Variants in SASH1 observed in about 807,000 individuals in gnomAD.
The protein encoded by SASH1 is SAM and SH3 domain containing 1.
Under a neutral mutation model 125.2 loss-of-function variants are expected in SASH1, and 44 were observed. The ratio of observed to expected loss-of-function variants is 0.35; its 90% CI spans 0.28 to 0.45. SASH1 has a LOEUF of 0.45. Ranked by LOEUF, SASH1 falls within the 20% of genes least tolerant of loss-of-function variation. The pLI, the probability that SASH1 is intolerant of heterozygous loss-of-function variation, is 1.00. For missense variants in SASH1, 1,426 were observed against 1,614.5 expected (o/e 0.88, Z 2.00); for synonymous variants, 639 against 649.1 (o/e 0.98, Z 0.24).
chr6:148,302,341 A>AAAAAAAAAT lies in SASH1; in HGVS notation n.74+29964_74+29965insAAAAAAAAT, dbSNP rs34513109. On this transcript the variant is annotated intron_variant and non_coding_transcript_variant, in intron 1 of 3. Coordinates refer to the SASH1 transcript ENST00000367469. The stretch of plus-strand genomic sequence containing the variant: ...AAAAAAAAAAAAAAAAAAAAAAAAA[A>AAAAAAAAAT]CTAGTAATATTATGACCTTGGTTAA... Among the ~76,000 whole-genome samples the AAAAAAAAAT allele has an allele frequency of 3.0e-4, 31 of 104,442 alleles. 10 individuals carry two copies. The East Asian group carries it at 4.7e-3, about 16-fold the overall frequency. The allele number at this position is 104,442 out of a possible 152,430, so 68.5% of individuals were successfully genotyped here. A position where few individuals can be genotyped will look rare whatever the true frequency, so the allele number is the denominator to read the frequency against.
chr6:148,517,716 C>G (rs772592023), intron 9 of SASH1, among the ~76,000 whole-genome samples: 1 of 152,222 alleles, frequency 6.6e-6, no homozygotes, highest in Non-Finnish European at 1.5e-5. Flanking sequence ...GAGCTACATT[C>G]GTCATGGACA....
intron 1 of SASH1, among the ~76,000 whole-genome samples, chr6:148,331,505 A>AT (rs1238241540): frequency 1.1e-4 from 16 of 151,600 alleles, no homozygotes; most frequent in African/African-American, 3.6e-4. Flanking sequence ...AAGTTTTTGT[A>AT]TTTTCAGTAG....
At chr6:148,405,627 A>G (rs1189678580) in intron 2 of SASH1, among the ~76,000 whole-genome samples, 1 of 152,030 alleles carries the variant, frequency 6.6e-6, no homozygotes, top group East Asian at 1.9e-4. Context: ...CCATCCACCT[A>G]GAGCCCATCC....
chr6:148,410,866 G>A (rs911825748), intron 2 of SASH1, among the ~76,000 whole-genome samples: 2 of 152,136 alleles, frequency 1.3e-5, no homozygotes, highest in Non-Finnish European at 2.9e-5. Flanking sequence ...ATCTGTGACA[G>A]ACATAAAAGG....
At chr6:148,535,251 G>A (rs755691696) in intron 16 of SASH1, among the ~76,000 whole-genome samples, 29 of 152,232 alleles carry the variant, frequency 1.9e-4, no homozygotes, top group Non-Finnish European at 4.0e-4. Context: ...ATGTTTCTAG[G>A]TGATAGTTGA....
chr6:148,427,234 A>G (rs1445645984), intron 2 of SASH1, among the ~76,000 whole-genome samples: 1 of 152,076 alleles, frequency 6.6e-6, no homozygotes, highest in East Asian at 1.9e-4. Context: ...ACCATCTAGA[A>G]TGGCCAGATA....
At chr6:148,397,808 A>C (rs1784019111) in intron 2 of SASH1, among the ~76,000 whole-genome samples, 1 of 152,246 alleles carries the variant, frequency 6.6e-6, no homozygotes, top group Admixed American at 6.5e-5. Flanking sequence ...TATTTGAAAT[A>C]TTTAATGAGC....
the SASH1 span, among the ~76,000 whole-genome samples, chr6:148,229,446 G>T: frequency 6.6e-6 from 1 of 152,034 alleles, no homozygotes; most frequent in African/African-American, 2.4e-5. Context: ...GGAAGTGGAG[G>T]TGTAACAATT....
At chr6:148,387,774 C>T (rs1435402829) in intron 1 of SASH1, among the ~76,000 whole-genome samples, 5 of 150,430 alleles carry the variant, frequency 3.3e-5, no homozygotes, top group Non-Finnish European at 7.4e-5. Flanking sequence ...CACTCTGCTG[C>T]CCTGGCCAGG....
intron 1 of SASH1, among the ~76,000 whole-genome samples, chr6:148,345,084 G>A (rs1467175644): frequency 2.0e-5 from 3 of 152,120 alleles, no homozygotes; most frequent in Admixed American, 2.0e-4. Flanking sequence ...GTTATTTCTT[G>A]TCTAGATCCA....
chr6:148,489,589 G>A (rs892667921), intron 8 of SASH1, among the ~76,000 whole-genome samples: 3 of 152,060 alleles, frequency 2.0e-5, no homozygotes, highest in Non-Finnish European at 1.5e-5. Flanking sequence ...AAATCTTCCA[G>A]TCAATGAACA....
intron 2 of SASH1, among the ~76,000 whole-genome samples, chr6:148,404,398 T>C (rs925469727): frequency 3.3e-5 from 5 of 152,190 alleles, no homozygotes; most frequent in Non-Finnish European, 7.3e-5. Flanking sequence ...TTTTTAAATA[T>C]GGTTCTAAGG....
At chr6:148,303,494 A>G (rs1780029861) in intron 1 of SASH1, among the ~76,000 whole-genome samples, 1 of 152,290 alleles carries the variant, frequency 6.6e-6, no homozygotes, top group Non-Finnish European at 1.5e-5. Flanking sequence ...GAAATTCACA[A>G]ATATGTAAAA....
chr6:148,201,682 G>C, the SASH1 span, among the ~76,000 whole-genome samples: 1 of 152,194 alleles, frequency 6.6e-6, no homozygotes, highest in Admixed American at 6.5e-5. Flanking sequence ...TGCCCAGAAG[G>C]CTCCTGGGGC....
the SASH1 span, among the ~76,000 whole-genome samples, chr6:148,194,382 T>C: frequency 6.6e-6 from 1 of 152,252 alleles, no homozygotes; most frequent in Non-Finnish European, 1.5e-5. Flanking sequence ...AAATTTCATT[T>C]TGTTTTCTCC....
intron 16 of SASH1, among the ~76,000 whole-genome samples, chr6:148,539,496 G>A (rs1386621652): frequency 6.6e-6 from 1 of 152,106 alleles, no homozygotes; most frequent in African/African-American, 2.4e-5. Flanking sequence ...TAGAATAATG[G>A]CCTCCAGGTC....
chr6:148,198,354 G>A, the SASH1 span, among the ~76,000 whole-genome samples: 1 of 152,150 alleles, frequency 6.6e-6, no homozygotes, highest in Non-Finnish European at 1.5e-5. Flanking sequence ...TGTGAAAATG[G>A]ACTAATATCC....
intron 1 of SASH1, among the ~76,000 whole-genome samples, chr6:148,346,067 T>C (rs940324925): frequency 1.3e-5 from 2 of 152,224 alleles, no homozygotes; most frequent in African/African-American, 2.4e-5. Flanking sequence ...TTCAGATTAT[T>C]CTAATTGTGG....
Position 148,544,924 on chromosome 6 carries a change from G to A in SASH1, c.3348+106G>A, listed in dbSNP as rs1039579661. The A allele has an allele frequency of 3.7e-6, 4 of 1,085,826 alleles. No homozygotes were observed. The Admixed American group carries it at 8.3e-5, about 23-fold the overall frequency. The allele number at this position is 1,085,826 out of a possible 1,614,324, so 67.3% of individuals were successfully genotyped here. A position where few individuals can be genotyped will look rare whatever the true frequency, so the allele number is the denominator to read the frequency against. On this transcript the variant is annotated intron_variant, in intron 18 of 19. Coordinates refer to ENST00000367467, the MANE Select transcript of SASH1 (RefSeq NM_015278.5). This position sits in a 1 kb window ranked among gnomAD's most constrained non-coding sequence, Gnocchi z 6.4. ...TGAAGCCAGCCCGGTAGCCCGCCCAGTGGACAGGAGACACCTGAATCCACG... is the reference window on the plus strand; with the variant it reads ...TGAAGCCAGCCCGGTAGCCCGCCCAATGGACAGGAGACACCTGAATCCACG...
Sources: allele counts gnomAD v4.1 joint callset (sites outside exome capture counted in the v4.1 genomes callset), GRCh38; gene constraint gnomAD v4.1.1; non-coding constraint Gnocchi (gnomAD v3.1); transcripts MANE v1.5; gene names NCBI Gene and HGNC (gene_info 2026-07-23, HGNC 2026-07-21).